Variants in GGNBP2 observed in about 807,000 individuals in gnomAD.
The protein encoded by GGNBP2 is gametogenetin binding protein 2, also known as gametogenetin-binding protein 2.
Under a neutral mutation model 85.9 loss-of-function variants are expected in GGNBP2, and 10 were observed. That is an observed-to-expected ratio of 0.12 (90% CI 0.07 to 0.20). The LOEUF (loss-of-function observed/expected upper bound fraction) is 0.20, where lower values mean the gene tolerates loss of function less well. GGNBP2 is among the 10% of genes least tolerant of loss of function. The pLI is 1.00. For synonymous variants in GGNBP2, 287 were observed against 285.7 expected, an observed-to-expected ratio of 1.00 and a Z score of -0.05; for missense variants, 595 against 857.8, an observed-to-expected ratio of 0.69 and a Z score of 3.83.
chr17:36,554,182 TC>T (rs143835189), intron 2 of GGNBP2, among the ~76,000 whole-genome samples: 433 of 151,220 alleles, frequency 2.9e-3, no homozygotes, highest in Admixed American at 4.8e-3. Flanking sequence ...GGTGGTGGGT[TC>T]CTGTAATCCC....
chr17:36,573,909 T>C (rs1180342374), intron 6 of GGNBP2, among the ~76,000 whole-genome samples: 1 of 152,208 alleles, frequency 6.6e-6, no homozygotes, highest in African/African-American at 2.4e-5. Context: ...ATCTTCTTTG[T>C]TGCCCAGGCT....
chr17:36,557,534 G>A (rs778233543), intron 4 of GGNBP2, among the ~76,000 whole-genome samples, 198 bp downstream of exon 4: 2 of 152,130 alleles, frequency 1.3e-5, no homozygotes, highest in Non-Finnish European at 2.9e-5. Context: ...CAATTTGTCA[G>A]GGATGATAAG....
chr17:36,550,950 T>C (rs1425555976), intron 2 of GGNBP2, among the ~76,000 whole-genome samples: 2 of 152,184 alleles, frequency 1.3e-5, no homozygotes, highest in Non-Finnish European at 2.9e-5. Context: ...GAACAGCATA[T>C]AGTGATTGGC....
chr17:36,548,530 C>T (rs2074275404), intron 2 of GGNBP2, among the ~76,000 whole-genome samples: 1 of 138,978 alleles, frequency 7.2e-6, no homozygotes, highest in Non-Finnish European at 1.5e-5. Context: ...CAGGAGAATC[C>T]TATGAACCCG....
At chr17:36,587,349 T>TA in intron 13 of GGNBP2, 104 bp downstream of exon 13, 1 of 1,185,900 alleles carries the variant, frequency 8.4e-7, no homozygotes, top group Non-Finnish European at 1.2e-6. Flanking sequence ...GAAGGAAGCT[T>TA]ATGAGAAATT....
At chr17:36,545,382 T>C (rs1284749990) in intron 1 of GGNBP2, 5 of 236,816 alleles carry the variant, frequency 2.1e-5, no homozygotes, top group Admixed American at 8.1e-5. Flanking sequence ...CGCCTCTCCT[T>C]TGGACCCTGA....
At position 36,560,760 on chromosome 17, in the gene GGNBP2, T is replaced by A. The variant is rs771783430; in HGVS notation, c.429-13T>A. ...AATGAATTAAACCCTTAATATGTTT[T>A]ATTTTTAATTAGGTCCAAACTAAAT... On this transcript the variant is annotated splice_polypyrimidine_tract_variant and intron_variant, in intron 4 of 13. Transcript: ENST00000613102. The A allele has an allele frequency of 1.5e-6, 2 of 1,355,910 alleles. No homozygotes were observed. Among genetic ancestry groups the A allele is most frequent in the South Asian group, 2.5e-5 (2 of 79,348 alleles). 84.0% of individuals were successfully genotyped at this position (1,355,910 alleles called of 1,614,324 possible).
At chr17:36,575,629 TATATATATATATA>T (rs2074569954) in intron 6 of GGNBP2, among the ~76,000 whole-genome samples, 1 of 42,926 alleles carries the variant, frequency 2.3e-5, no homozygotes, top group African/African-American at 1.0e-4. Flanking sequence ...TATATATATA[TATATATATATATA>T]TATATATTTT....
intron 3 of GGNBP2, among the ~76,000 whole-genome samples, chr17:36,556,161 C>T (rs1483241544): frequency 6.6e-6 from 1 of 152,200 alleles, no homozygotes; most frequent in African/African-American, 2.4e-5. Context: ...GCTCATTTCT[C>T]TGCAACAGTA....
At chr17:36,583,744 T>TAAGC (rs1187485213) in intron 9 of GGNBP2, among the ~76,000 whole-genome samples, 1 of 152,188 alleles carries the variant, frequency 6.6e-6, no homozygotes, top group Non-Finnish European at 1.5e-5. Flanking sequence ...ATTACAGGAA[T>TAAGC]AAGCCACTGT....
At position 36,585,985 on chromosome 17, in the gene GGNBP2, C is replaced by A. The variant is rs1414628211; in HGVS notation, c.1492+20C>A. The stretch of plus-strand genomic sequence containing the variant: ...AACACGGTAGGCTCACATTAAGTTT[C>A]CCAGTTATTTCTACTACATGGCTGA... On this transcript the variant is annotated intron_variant, in intron 11 of 13. Coordinates refer to ENST00000613102, the MANE Select transcript of GGNBP2 (RefSeq NM_024835.5). 1 of 1,613,746 alleles carries A rather than the reference C, an allele frequency of 6.2e-7. No homozygotes were observed. The highest frequency in any genetic ancestry group is 1.3e-5 in the African/African-American group (1 of 74,880).
At position 36,585,903 on chromosome 17, in the gene GGNBP2, C is replaced by T; in HGVS notation, c.1430C>T (p.Thr477Ile). 1.9e-6 allele frequency: 3 copies of T among 1,613,982 alleles called. No homozygotes were observed. Among genetic ancestry groups the T allele is most frequent in the Non-Finnish European group, 2.5e-6 (3 of 1,179,904 alleles). ...GYSSSMEGSE[T>I]GSREGSDVAC... ...TCATCTAGCATGGAAGGGAGTGAAACAGGTTCTCGGGAGGGTTCGGATGTT... is the reference window on the plus strand; with the variant it reads ...TCATCTAGCATGGAAGGGAGTGAAATAGGTTCTCGGGAGGGTTCGGATGTT... Residue 477 changes from threonine (T) to isoleucine (I), a missense_variant, in exon 11 of 14, where the codon ACA becomes ATA. Transcript: ENST00000613102.
At chr17:36,563,536 A>G (rs1168762584) in intron 5 of GGNBP2, among the ~76,000 whole-genome samples, 2 of 150,720 alleles carry the variant, frequency 1.3e-5, no homozygotes, top group African/African-American at 4.9e-5. Context: ...ACCTAACAAA[A>G]TTAAGTGTAA....
chr17:36,557,403 C>T, intron 4 of GGNBP2, 67 bp downstream of exon 4: 6 of 1,301,020 alleles, frequency 4.6e-6, no homozygotes, highest in Non-Finnish European at 6.5e-6. Context: ...ACAGTGGCAG[C>T]TTATTTTCTT....
At chr17:36,569,960 G>A (rs1458073501) in intron 6 of GGNBP2, among the ~76,000 whole-genome samples, 1 of 152,198 alleles carries the variant, frequency 6.6e-6, no homozygotes, top group Non-Finnish European at 1.5e-5. Flanking sequence ...AGAAAGTATG[G>A]TTGAGAGTAA....
In GGNBP2 at chr17:36,557,121, C is replaced by G. The variant is rs766816139; in HGVS notation, c.213C>G (p.Ala71=). The change falls in exon 4 of 14, where the codon GCC becomes GCG. Residue 71 remains alanine, a synonymous_variant. Transcript: ENST00000613102. ...TTAAGCAACAGGATCTAAGTATTGC[C>G]ATGGTGGTGACATCACGCGAAGTCC... ...GMLKQQDLSI[A]MVVTSREVLS... 6.2e-7 allele frequency: 1 copy of G among 1,614,024 alleles called. No homozygotes were observed. The highest frequency in any genetic ancestry group is 8.5e-7 in the Non-Finnish European group (1 of 1,179,998).
Position 36,585,975 on chromosome 17 carries a change from C to T in GGNBP2, c.1492+10C>T, listed in dbSNP as rs530336480. 4.3e-6 allele frequency: 7 copies of T among 1,613,990 alleles called. No homozygotes were observed. In the South Asian group the frequency reaches 4.4e-5, roughly 10 times the overall value. On this transcript the variant is annotated intron_variant, in intron 11 of 13. Coordinates refer to ENST00000613102, the MANE Select transcript of GGNBP2 (RefSeq NM_024835.5). ...AATCATGATGAACACGGTAGGCTCA[C>T]ATTAAGTTTCCCAGTTATTTCTACT...
chr17:36,547,064 A>T (rs181989438), intron 2 of GGNBP2: 1 of 152,366 alleles, frequency 6.6e-6, no homozygotes, highest in Non-Finnish European at 1.5e-5. Flanking sequence ...TCATGAAAAA[A>T]GGTAGAATGA....
intron 12 of GGNBP2, 53 bp from the exon 13 acceptor site, chr17:36,586,944 A>G: frequency 6.9e-7 from 1 of 1,458,180 alleles, no homozygotes; most frequent in Non-Finnish European, 9.3e-7. Flanking sequence ...TTAAAGAATA[A>G]TTGCTATTAT....
Sources: gnomAD v4.1 joint callset for allele counts (sites outside exome capture counted in the v4.1 genomes callset) on GRCh38, gnomAD v4.1.1 for gene constraint, MANE v1.5 for transcripts, NCBI Gene and HGNC (gene_info 2026-07-23, HGNC 2026-07-21) for gene names.